ROBO2: variants seen among roughly 807,000 people sequenced by gnomAD.
ROBO2 encodes the protein roundabout guidance receptor 2.
In ROBO2, 53 loss-of-function variants were observed where a neutral mutation model predicts 160.8. That is an observed-to-expected ratio of 0.33 (90% confidence interval 0.26 to 0.41). ROBO2 has a LOEUF of 0.41. Among genes scored for constraint, ROBO2 ranks in the 10% least tolerant of loss-of-function variants. The pLI is 1.00. For missense variants in ROBO2, 1,577 were observed against 1,722.4 expected, an observed-to-expected ratio of 0.92 and a Z score of 1.49; for synonymous variants, 664 against 611.7, an observed-to-expected ratio of 1.09 and a Z score of -1.26.
intron 2 of ROBO2, among the ~76,000 whole-genome samples, chr3:76,712,018 A>G (rs1052186791): frequency 3.3e-5 from 5 of 152,274 alleles, no homozygotes; most frequent in Non-Finnish European, 7.3e-5. Flanking sequence ...AGTTTCCTCA[A>G]TTTACTTTTA....
intron 2 of ROBO2, among the ~76,000 whole-genome samples, chr3:77,370,030 A>G (rs2071504101): frequency 6.6e-6 from 1 of 152,238 alleles, no homozygotes; most frequent in Non-Finnish European, 1.5e-5. Context: ...GATGCAAGTC[A>G]GATTTAGAAG....
intron 2 of ROBO2, among the ~76,000 whole-genome samples, chr3:76,025,744 T>C (rs2066721906): frequency 6.6e-6 from 1 of 151,834 alleles, no homozygotes. Context: ...TCAGTAATTC[T>C]ACCTTACAAA....
At chr3:77,600,672 G>A (rs2094412667) in intron 19 of ROBO2, among the ~76,000 whole-genome samples, 1 of 152,242 alleles carries the variant, frequency 6.6e-6, no homozygotes, top group South Asian at 2.1e-4. Context: ...AGAAGCGGCA[G>A]AAACAAAAGT....
At chr3:77,534,948 T>A (rs1047040150) in intron 6 of ROBO2, among the ~76,000 whole-genome samples, 3 of 152,170 alleles carry the variant, frequency 2.0e-5, no homozygotes, top group Non-Finnish European at 4.4e-5. Flanking sequence ...CTAGAAAATG[T>A]TTATGCAAGC....
At chr3:76,709,659 C>G (rs1479857708) in intron 2 of ROBO2, among the ~76,000 whole-genome samples, 3 of 152,128 alleles carry the variant, frequency 2.0e-5, no homozygotes, top group Non-Finnish European at 4.4e-5. Context: ...AGATTTGAAG[C>G]AGGAAAGTGA....
chr3:76,575,409 T>A (rs1183297438), intron 2 of ROBO2, among the ~76,000 whole-genome samples: 1 of 152,096 alleles, frequency 6.6e-6, no homozygotes, highest in Non-Finnish European at 1.5e-5. Flanking sequence ...AGAATTTTCA[T>A]AATATTAAAA....
intron 1 of ROBO2, chr3:77,092,022 A>C (rs909045390): frequency 6.7e-6 from 1 of 150,054 alleles, no homozygotes; most frequent in African/African-American, 2.5e-5. Context: ...TAAATAAATA[A>C]ATAAAAAGAA....
At chr3:76,865,360 T>TTCAAGAGCA (rs3040149) in intron 2 of ROBO2, among the ~76,000 whole-genome samples, 15,633 of 152,058 alleles carry the variant, frequency 0.1, 975 homozygotes, top group East Asian at 0.23. Flanking sequence ...TGTTATTAGA[T>TTCAAGAGCA]TCAAGAGCAT....
At chr3:75,923,346 T>C (rs1317440715) in intron 1 of ROBO2, among the ~76,000 whole-genome samples, 2 of 152,196 alleles carry the variant, frequency 1.3e-5, no homozygotes, top group African/African-American at 4.8e-5. Context: ...TACATAAAAG[T>C]CAGTTATGTT....
chr3:77,643,626 ACATCT>A (rs2095378644), intron 24 of ROBO2, among the ~76,000 whole-genome samples: 1 of 152,128 alleles, frequency 6.6e-6, no homozygotes, highest in Admixed American at 6.5e-5. Flanking sequence ...ATTTTCTGAG[ACATCT>A]CATGTCAGGA....
At chr3:76,327,189 A>G (rs2073101022) in intron 2 of ROBO2, among the ~76,000 whole-genome samples, 1 of 152,168 alleles carries the variant, frequency 6.6e-6, no homozygotes, top group African/African-American at 2.4e-5. Context: ...AGTTTAAATG[A>G]CTAATGTGCT....
At chr3:76,489,364 A>G (rs1276909850) in intron 2 of ROBO2, among the ~76,000 whole-genome samples, 1 of 152,128 alleles carries the variant, frequency 6.6e-6, no homozygotes, top group Non-Finnish European at 1.5e-5. Context: ...ACTCAACTAG[A>G]AGAGGAGAGC....
At chr3:76,794,163 T>C (rs1016696383) in intron 2 of ROBO2, among the ~76,000 whole-genome samples, 45 of 151,822 alleles carry the variant, frequency 3.0e-4, no homozygotes, top group Non-Finnish European at 6.0e-4. Flanking sequence ...CCAGTACAGC[T>C]TGAAAAATTG....
chr3:76,895,286 C>T lies in ROBO2; in HGVS notation c.110-202728C>T, dbSNP rs113214636. 6.2e-3 allele frequency among the ~76,000 whole-genome samples: 938 copies of T among 152,008 alleles called. 7 individuals are homozygous for T. Among genetic ancestry groups the T allele is most frequent in the African/African-American group, 0.021 (858 of 41,488 alleles). On this transcript the variant is annotated intron_variant, in intron 2 of 26. Transcript: ENST00000487694. Reference sequence around the variant, plus strand: ...AATAAGTATGTGCTGACTGGTGGTACGCAAAATACCTACCTGATATTTTCC... The same window carrying T: ...AATAAGTATGTGCTGACTGGTGGTATGCAAAATACCTACCTGATATTTTCC...
At chr3:76,619,430 G>A (rs1002088627) in intron 2 of ROBO2, among the ~76,000 whole-genome samples, 4 of 151,660 alleles carry the variant, frequency 2.6e-5, no homozygotes, top group African/African-American at 7.2e-5. Context: ...CTTTTCTTAC[G>A]GTGAACTTTT....
chr3:76,090,297 G>C (rs6769022), intron 2 of ROBO2, among the ~76,000 whole-genome samples: 101,694 of 151,826 alleles, frequency 0.67, 35,244 homozygotes, highest in African/African-American at 0.86. Flanking sequence ...TCCATCTCCA[G>C]TAAGAATAGT....
At chr3:76,857,754 C>A (rs944730350) in intron 2 of ROBO2, among the ~76,000 whole-genome samples, 1 of 152,156 alleles carries the variant, frequency 6.6e-6, no homozygotes, top group Admixed American at 6.6e-5. Context: ...TCATGCAACT[C>A]ATTATCTTAA....
intron 2 of ROBO2, among the ~76,000 whole-genome samples, chr3:76,270,180 G>C (rs1251597665): frequency 3.3e-5 from 5 of 152,008 alleles, no homozygotes; most frequent in African/African-American, 1.2e-4. Flanking sequence ...TGAAGTAGTG[G>C]TTCAAGGGAA....
intron 2 of ROBO2, among the ~76,000 whole-genome samples, chr3:77,320,290 T>G (rs1257117448): frequency 6.6e-6 from 1 of 152,152 alleles, no homozygotes; most frequent in Non-Finnish European, 1.5e-5. Context: ...ATTGTTGAGT[T>G]TTAATATTTC....
Sources: allele counts gnomAD v4.1 joint callset (sites outside exome capture counted in the v4.1 genomes callset), GRCh38; gene constraint gnomAD v4.1.1; transcripts MANE v1.5; gene names NCBI Gene and HGNC (gene_info 2026-07-23, HGNC 2026-07-21).